ZYG11A: variants seen among roughly 807,000 people sequenced by gnomAD.
ZYG11A encodes zyg-11 family member A, cell cycle regulator.
Under a neutral mutation model 77.2 loss-of-function variants are expected in ZYG11A, and 62 were observed. The ratio of observed to expected loss-of-function variants is 0.80; its 90% CI spans 0.65 to 0.99. The LOEUF is 0.99. Ranked by LOEUF, ZYG11A falls within the 50% of genes least tolerant of loss-of-function variation. The probability of loss-of-function intolerance (pLI) is 0.00; values close to 1 mark genes in which losing one functional copy is unlikely to be tolerated. For synonymous variants in ZYG11A, 315 were observed against 324.6 expected (o/e 0.97, Z 0.32); for missense variants, 828 against 896.8 (o/e 0.92, Z 0.98).
At chr1:52,883,058 A>T (rs895989636) in intron 11 of ZYG11A, among the ~76,000 whole-genome samples, 39 of 151,204 alleles carry the variant, frequency 2.6e-4, no homozygotes, top group African/African-American at 9.5e-4. Flanking sequence ...TTTTTGTTTC[A>T]TAGTTCTATA....
intron 1 of ZYG11A, among the ~76,000 whole-genome samples, chr1:52,843,541 T>A (rs940279089): frequency 6.6e-6 from 1 of 152,118 alleles, no homozygotes; most frequent in South Asian, 2.1e-4. Context: ...TGAGATTCTT[T>A]CAGTTCCGCG....
chr1:52,854,712 A>T, intron 2 of ZYG11A, 82 bp downstream of exon 2: 1 of 1,265,204 alleles, frequency 7.9e-7, no homozygotes, highest in Non-Finnish European at 1.1e-6. Context: ...TTCTATTGTG[A>T]TTCTCACAAA....
In ZYG11A at chr1:52,894,541, T is replaced by G. The variant is rs1646594098; in HGVS notation, c.*1584T>G. The G allele has an allele frequency of 6.6e-6, 1 of 152,216 alleles. No individual in the cohort carries two copies. The highest frequency in any genetic ancestry group is 1.5e-5 in the Non-Finnish European group (1 of 68,032). The allele number at this position is 152,216 out of a possible 1,614,324, so 9.4% of individuals were successfully genotyped here. Reference sequence around the variant, plus strand: ...TTTGTCATTTATCTGTTTAAGTTTTTCAGAAAATAAAAGTAAATTTCTGTT... The same window carrying G: ...TTTGTCATTTATCTGTTTAAGTTTTGCAGAAAATAAAAGTAAATTTCTGTT... On this transcript the variant is annotated 3_prime_UTR_variant, in exon 14 of 14. Transcript: ENST00000371528.
At chr1:52,846,310 TTATATATATATATATATATATA>T (rs869093943) in intron 1 of ZYG11A, among the ~76,000 whole-genome samples, 146 of 35,796 alleles carry the variant, frequency 4.1e-3, no homozygotes, top group Non-Finnish European at 6.3e-3. Context: ...TTTTAAATTT[TTATATATATATATATATATATA>T]TATATATATA....
chr1:52,879,329 G>A (rs935739225), intron 10 of ZYG11A, among the ~76,000 whole-genome samples: 4 of 152,190 alleles, frequency 2.6e-5, no homozygotes, highest in African/African-American at 9.7e-5. Flanking sequence ...CAACTGACAA[G>A]TGAGTGCTGC....
intron 2 of ZYG11A, among the ~76,000 whole-genome samples, chr1:52,855,902 AATTT>A (rs754580816): frequency 1.6e-4 from 25 of 152,346 alleles, no homozygotes; most frequent in Non-Finnish European, 3.1e-4. Flanking sequence ...AAACTTAAAA[AATTT>A]ATTCTAAACT....
intron 13 of ZYG11A, among the ~76,000 whole-genome samples, chr1:52,888,404 C>T (rs997059244): frequency 7.9e-5 from 12 of 152,110 alleles, no homozygotes; most frequent in Non-Finnish European, 1.5e-4. Flanking sequence ...GTTGCCCAGG[C>T]GGGAGTGCAA....
At chr1:52,861,167 G>T (rs1055855725) in intron 4 of ZYG11A, among the ~76,000 whole-genome samples, 3 of 152,078 alleles carry the variant, frequency 2.0e-5, no homozygotes, top group Non-Finnish European at 4.4e-5. Context: ...AATAATTAAG[G>T]GTGGCCAAAT....
intron 8 of ZYG11A, among the ~76,000 whole-genome samples, chr1:52,877,183 T>A (rs1646276716): frequency 6.7e-6 from 1 of 149,788 alleles, no homozygotes; most frequent in African/African-American, 2.6e-5. Context: ...TTATCCTCTT[T>A]TTCTTCTGGT....
intron 2 of ZYG11A, among the ~76,000 whole-genome samples, chr1:52,855,335 G>A (rs932138209): frequency 3.3e-5 from 5 of 151,914 alleles, no homozygotes; most frequent in African/African-American, 9.7e-5. Context: ...TTACAGATGT[G>A]AGTCACCATG....
At chr1:52,849,380 T>C (rs1645661365) in intron 1 of ZYG11A, among the ~76,000 whole-genome samples, 1 of 151,962 alleles carries the variant, frequency 6.6e-6, no homozygotes, top group Non-Finnish European at 1.5e-5. Flanking sequence ...TTTACTTTTT[T>C]TGAGACCAAG....
chr1:52,871,811 A>G (rs1443074352), intron 8 of ZYG11A, among the ~76,000 whole-genome samples: 4 of 152,124 alleles, frequency 2.6e-5, no homozygotes, highest in East Asian at 1.9e-4. Context: ...GTTTCTGAGG[A>G]AAAAAACCCA....
At chr1:52,887,502 A>G (rs1024369571) in intron 13 of ZYG11A, among the ~76,000 whole-genome samples, 1 of 152,128 alleles carries the variant, frequency 6.6e-6, no homozygotes, top group Admixed American at 6.6e-5. Flanking sequence ...CTTCTGTGTA[A>G]TGGTCTCTGG....
At chr1:52,845,692 T>TG (rs1645559235) in intron 1 of ZYG11A, among the ~76,000 whole-genome samples, 1 of 151,894 alleles carries the variant, frequency 6.6e-6, no homozygotes, top group African/African-American at 2.4e-5. Context: ...ATTTTTTTAA[T>TG]TAAAAATGTA....
At chr1:52,889,769 T>C (rs1646508818) in intron 13 of ZYG11A, among the ~76,000 whole-genome samples, 1 of 151,212 alleles carries the variant, frequency 6.6e-6, no homozygotes, top group Admixed American at 6.6e-5. Flanking sequence ...TGGAGTGCAG[T>C]GGTGCACTCT....
chr1:52,850,896 CTGTT>C (rs1292175095), intron 1 of ZYG11A, among the ~76,000 whole-genome samples: 4 of 152,046 alleles, frequency 2.6e-5, no homozygotes, highest in South Asian at 2.1e-4. Flanking sequence ...AAATTCCTGT[CTGTT>C]AGTTAGGTTA....
intron 11 of ZYG11A, among the ~76,000 whole-genome samples, chr1:52,882,576 G>T (rs1390468959): frequency 6.6e-6 from 1 of 152,202 alleles, no homozygotes; most frequent in Non-Finnish European, 1.5e-5. Flanking sequence ...CCTAAGAAAA[G>T]AGTCTTGAAA....
At chr1:52,867,502 A>T (rs938685153) in intron 6 of ZYG11A, 37 bp from the exon 7 acceptor site, 3 of 1,352,320 alleles carry the variant, frequency 2.2e-6, no homozygotes, top group Non-Finnish European at 3.1e-6. Flanking sequence ...CACAAACTTT[A>T]TATATAATTG....
intron 10 of ZYG11A, among the ~76,000 whole-genome samples, chr1:52,878,973 AAAC>A (rs556395680): frequency 6.2e-4 from 40 of 64,412 alleles, no homozygotes; most frequent in Admixed American, 9.0e-4. Context: ...AAAAAAAAAA[AAAC>A]AAACCAAAAA....
Sources: allele counts gnomAD v4.1 joint callset (sites outside exome capture counted in the v4.1 genomes callset), GRCh38; gene constraint gnomAD v4.1.1; transcripts MANE v1.5; gene names NCBI Gene and HGNC (gene_info 2026-07-23, HGNC 2026-07-21).